The following SH3PXD2A variants were observed in gnomAD, a reference collection of about 807,000 sequenced individuals.
SH3PXD2A encodes the protein SH3 and PX domains 2A.
Under a neutral mutation model 115.2 loss-of-function variants are expected in SH3PXD2A, and 32 were observed. The ratio of observed to expected loss-of-function variants is 0.28; its 90% CI spans 0.21 to 0.37. The LOEUF (loss-of-function observed/expected upper bound fraction) is 0.37. Ranked by LOEUF, SH3PXD2A falls within the 10% of genes least tolerant of loss-of-function variation. SH3PXD2A has a pLI of 1.00. For missense variants in SH3PXD2A, 1,328 were observed against 1,498.7 expected (o/e 0.89, Z 1.88); for synonymous variants, 610 against 629.1 (o/e 0.97, Z 0.45).
At chr10:103,625,329 GC>G (rs1211528816) in intron 9 of SH3PXD2A, among the ~76,000 whole-genome samples, 2 of 152,242 alleles carry the variant, frequency 1.3e-5, no homozygotes, top group African/African-American at 4.8e-5. Context: ...TACACGCACT[GC>G]CCTAGAGCTG....
chr10:103,644,209 T>C (rs67220558), intron 8 of SH3PXD2A, among the ~76,000 whole-genome samples: 73,500 of 151,230 alleles, frequency 0.49, 18,066 homozygotes, highest in East Asian at 0.63. Flanking sequence ...ACTGTTTCCT[T>C]TGAAAAATGG....
chr10:103,722,075 G>C (rs1212896898), intron 5 of SH3PXD2A, among the ~76,000 whole-genome samples: 1 of 151,884 alleles, frequency 6.6e-6, no homozygotes, highest in Non-Finnish European at 1.5e-5. Flanking sequence ...GGCTGAGGCG[G>C]GTGGATCCAC....
chr10:103,716,179 A>C (rs375964504), intron 5 of SH3PXD2A, among the ~76,000 whole-genome samples: 312 of 152,016 alleles, frequency 2.1e-3, no homozygotes, highest in African/African-American at 7.2e-3. Flanking sequence ...CACCACCTTA[A>C]CCAGCCCGGC....
intron 2 of SH3PXD2A, among the ~76,000 whole-genome samples, chr10:103,794,576 C>A (rs6584570): frequency 1.6e-3 from 242 of 152,184 alleles, no homozygotes; most frequent in African/African-American, 5.2e-3. Flanking sequence ...TCCAGCCACC[C>A]GTGAGAAAGC....
At chr10:103,750,823 A>G (rs983478954) in intron 3 of SH3PXD2A, among the ~76,000 whole-genome samples, 1 of 152,172 alleles carries the variant, frequency 6.6e-6, no homozygotes, top group African/African-American at 2.4e-5. Flanking sequence ...ATCTGTATAT[A>G]GCAAAATGCG....
intron 13 of SH3PXD2A, among the ~76,000 whole-genome samples, chr10:103,606,655 T>C (rs1227877869): frequency 6.6e-6 from 1 of 152,080 alleles, no homozygotes; most frequent in Non-Finnish European, 1.5e-5. Flanking sequence ...CCGCCATGCC[T>C]GACTGGTTTT....
intron 2 of SH3PXD2A, among the ~76,000 whole-genome samples, chr10:103,772,321 T>G (rs1166823341): frequency 6.6e-6 from 1 of 152,200 alleles, no homozygotes; most frequent in African/African-American, 2.4e-5. Context: ...TGAGCGGGGC[T>G]GTCTCCTGAA....
At chr10:103,678,049 A>C in intron 6 of SH3PXD2A, 1 of 1,128,796 alleles carries the variant, frequency 8.9e-7, no homozygotes, top group Non-Finnish European at 1.2e-6. Context: ...ATCTGCTTTA[A>C]TGCCCTTCAA....
intron 7 of SH3PXD2A, among the ~76,000 whole-genome samples, chr10:103,664,102 G>A (rs1304242032): frequency 6.6e-6 from 1 of 152,218 alleles, no homozygotes; most frequent in Admixed American, 6.5e-5. Context: ...GGGAACAGCA[G>A]TGCCTGTTCC....
intron 6 of SH3PXD2A, among the ~76,000 whole-genome samples, chr10:103,690,043 A>G (rs968394445): frequency 6.6e-6 from 1 of 152,310 alleles, no homozygotes; most frequent in South Asian, 2.1e-4. Context: ...ACAGAGCCCT[A>G]AACATGGACT....
intron 8 of SH3PXD2A, among the ~76,000 whole-genome samples, chr10:103,649,693 T>C (rs1281978537): frequency 6.6e-6 from 1 of 152,244 alleles, no homozygotes; most frequent in Non-Finnish European, 1.5e-5. Context: ...AAGATGCTGC[T>C]GTAATCAAAA....
At chr10:103,747,805 T>C (rs1353776826) in intron 3 of SH3PXD2A, among the ~76,000 whole-genome samples, 1 of 152,002 alleles carries the variant, frequency 6.6e-6, no homozygotes, top group Non-Finnish European at 1.5e-5. Flanking sequence ...GCTTTCATTT[T>C]ATTTATTTAT....
intron 3 of SH3PXD2A, among the ~76,000 whole-genome samples, chr10:103,762,967 G>A (rs1394360335): frequency 6.6e-6 from 1 of 150,894 alleles, no homozygotes; most frequent in Non-Finnish European, 1.5e-5. Context: ...GCCCTGTCTG[G>A]GTCAGCTTCT....
intron 4 of SH3PXD2A, among the ~76,000 whole-genome samples, chr10:103,733,800 C>T (rs377408850): frequency 6.6e-6 from 1 of 152,060 alleles, no homozygotes; most frequent in Non-Finnish European, 1.5e-5. Flanking sequence ...GGGACAGGAT[C>T]GTTCCCTGTT....
At position 103,613,123 on chromosome 10, in the gene SH3PXD2A, G is replaced by T; in HGVS notation, c.988C>A (p.Arg330=). The change falls in exon 12 of 15, where the codon CGG becomes AGG. Residue 330 remains arginine, a synonymous_variant. Transcript: ENST00000369774. ...LKKAKDDLPT[R]KKNLAGPVEI... ...ACTGGGCCGGCCAGGTTCTTCTTCC[G>T]GGTTGGCAGGTCATCCTTGGCCTTC... 3.7e-6 allele frequency: 6 copies of T among 1,613,822 alleles called. No homozygotes were observed. The highest frequency in any genetic ancestry group is 5.1e-6 in the Non-Finnish European group (6 of 1,179,894).
rs370865216 is a variant in SH3PXD2A at position 103,809,199 on chromosome 10, A to G, written c.73-7837T>C. On this transcript the variant is annotated intron_variant, in intron 1 of 14. Transcript: ENST00000369774. Reference sequence around the variant, plus strand: ...AGAGGTGACGCTGCAGATTTGGGGAACAACCACCACTTAGAAGCCTGGATG... The same window carrying G: ...AGAGGTGACGCTGCAGATTTGGGGAGCAACCACCACTTAGAAGCCTGGATG... Among the ~76,000 whole-genome samples the G allele has an allele frequency of 9.2e-5, 14 of 152,260 alleles. No individual in the cohort carries two copies. In the East Asian group the frequency reaches 2.7e-3, roughly 29 times the overall value.
chr10:103,819,724 A>AG, intron 1 of SH3PXD2A, among the ~76,000 whole-genome samples: 1 of 152,158 alleles, frequency 6.6e-6, no homozygotes, highest in East Asian at 1.9e-4. Flanking sequence ...TGAGCATGTG[A>AG]GGGAGCCCAG....
intron 5 of SH3PXD2A, among the ~76,000 whole-genome samples, chr10:103,716,821 G>A (rs2134163251): frequency 6.6e-6 from 1 of 152,358 alleles, no homozygotes; most frequent in South Asian, 2.1e-4. Flanking sequence ...CAGTGGTCAA[G>A]AAGGCTGCAA....
Position 103,660,759 on chromosome 10 carries a change from G to T in SH3PXD2A, c.604+224C>A, listed in dbSNP as rs181676223. 1.3e-3 allele frequency among the ~76,000 whole-genome samples: 198 copies of T among 152,362 alleles called. 1 individual carries two copies. The highest frequency in any genetic ancestry group is 4.5e-3 in the African/African-American group (188 of 41,592). The stretch of plus-strand genomic sequence containing the variant: ...TGCCTGAAACGTGCAATTAACACAG[G>T]CTGGTTAATTACCCCGAGCAAGGAG... On this transcript the variant is annotated intron_variant, in intron 8 of 14. Transcript: ENST00000369774.
Sources: gnomAD v4.1 joint callset for allele counts (sites outside exome capture counted in the v4.1 genomes callset) on GRCh38, gnomAD v4.1.1 for gene constraint, MANE v1.5 for transcripts, NCBI Gene and HGNC (gene_info 2026-07-23, HGNC 2026-07-21) for gene names.